Variants in PCDHA3 observed in about 807,000 individuals in gnomAD.
PCDHA3 encodes the protein protocadherin alpha 3.
In PCDHA3, 41 loss-of-function variants were observed where a neutral mutation model predicts 62.2. The ratio of observed to expected loss-of-function variants is 0.66; its 90% CI spans 0.51 to 0.86. The LOEUF (loss-of-function observed/expected upper bound fraction) is 0.86. Among genes scored for constraint, PCDHA3 ranks in the 40% least tolerant of loss-of-function variants. The pLI is 0.00. For missense variants in PCDHA3, 1,304 were observed against 1,241.2 expected, an observed-to-expected ratio of 1.05 and a Z score of -0.76; for synonymous variants, 640 against 555.4, an observed-to-expected ratio of 1.15 and a Z score of -2.14.
chr5:140,835,504 T>A (rs2150237021), intron 1 of PCDHA3: 1 of 1,613,936 alleles, frequency 6.2e-7, no homozygotes, highest in African/African-American at 1.3e-5. Flanking sequence ...TTGATTAGCG[T>A]GTTTGACCGA....
At chr5:140,968,166 C>G (rs782037307) in intron 1 of PCDHA3, 1 of 1,614,004 alleles carries the variant, frequency 6.2e-7, no homozygotes, top group Non-Finnish European at 8.5e-7. Flanking sequence ...GACAATCCAC[C>G]AAGCTTCCTG....
chr5:140,890,344 A>G (rs1482265903), intron 1 of PCDHA3, among the ~76,000 whole-genome samples: 1 of 152,196 alleles, frequency 6.6e-6, no homozygotes, highest in Admixed American at 6.5e-5. Context: ...GGGATGGTTT[A>G]CTATATAGCA....
At chr5:140,867,714 T>C (rs1345564202) in intron 1 of PCDHA3, 1 of 152,070 alleles carries the variant, frequency 6.6e-6, no homozygotes, top group Non-Finnish European at 1.5e-5. Flanking sequence ...CCTAAGGGTA[T>C]ATGAAAAGAC....
chr5:140,898,072 G>T (rs1412097602), intron 1 of PCDHA3, among the ~76,000 whole-genome samples: 1 of 152,012 alleles, frequency 6.6e-6, no homozygotes, highest in Non-Finnish European at 1.5e-5. Flanking sequence ...TGAGTTCATT[G>T]TAGATTCTGG....
chr5:140,828,071 A>G (rs2150150586), intron 1 of PCDHA3: 1 of 1,566,150 alleles, frequency 6.4e-7, no homozygotes, highest in Non-Finnish European at 8.6e-7. Flanking sequence ...TCTAATGGAA[A>G]TAAAACCAGA....
At chr5:140,823,752 A>G (rs1767861225) in intron 1 of PCDHA3, 4 of 1,613,706 alleles carry the variant, frequency 2.5e-6, no homozygotes. Context: ...CCCCGCTGAC[A>G]GCCACAGCCA....
chr5:140,921,267 A>G (rs1371688460), intron 1 of PCDHA3, among the ~76,000 whole-genome samples: 2 of 152,168 alleles, frequency 1.3e-5, no homozygotes, highest in Non-Finnish European at 2.9e-5. Flanking sequence ...AGACTTTTAT[A>G]CTTACTTGAA....
In PCDHA3 at chr5:140,876,944, C is replaced by T. The variant is rs550148099; in HGVS notation, c.2394+73353C>T. On this transcript the variant is annotated intron_variant, in intron 1 of 3. Transcript: ENST00000522353. ...GACGCGCAGAAGAACGCGCTGGTGT[C>T]CTACTCGCTGGTGGAGCGGCGGGTG... is the stretch of plus-strand genomic sequence containing the variant. The T allele has an allele frequency of 9.9e-6, 16 of 1,613,620 alleles. No individual in the cohort carries two copies. In the South Asian group the frequency reaches 1.5e-4, roughly 16 times the overall value.
intron 1 of PCDHA3, chr5:140,870,919 CT>C (rs1562653796): frequency 5.6e-6 from 9 of 1,613,952 alleles, no homozygotes; most frequent in Non-Finnish European, 7.6e-6. Flanking sequence ...CAACGCGTGG[CT>C]TTCATATGAA....
At chr5:140,813,502 TA>T (rs1321309612) in intron 1 of PCDHA3, 1 of 152,182 alleles carries the variant, frequency 6.6e-6, no homozygotes, top group African/African-American at 2.4e-5. Flanking sequence ...AAAGGTACAG[TA>T]AAAACATTGT....
rs140993239 is a variant in PCDHA3 at position 140,803,291 on chromosome 5, G to A, written c.2094G>A (p.Val698=). The change falls in exon 1 of 4, where the codon GTG becomes GTA. Residue 698 remains valine (V), a synonymous_variant. Transcript: ENST00000522353. The stretch of plus-strand genomic sequence containing the variant: ...AAGCTGCACTGGTGGATGTCAACGT[G>A]TACTTGATCGTCGCCATCTGCGCGG... ...GPEAALVDVN[V]YLIVAICAVS... 2.4e-5 allele frequency: 38 copies of A among 1,614,108 alleles called. No homozygotes were observed. The highest frequency in any genetic ancestry group is 1.3e-4 in the African/African-American group (10 of 75,070).
rs1412430465 is a variant in PCDHA3 at position 141,010,516 on chromosome 5, A to C, written c.*579A>C. On this transcript the variant is annotated 3_prime_UTR_variant, in exon 4 of 4. Transcript: ENST00000522353. ...CCAGACTTTCTAAATCTTACAACTC[A>C]AGAGGTGGCAGCCACCCTCTAGGAG... 4.2e-6 allele frequency: 2 copies of C among 477,698 alleles called. No individual in the cohort carries two copies. The highest frequency in any genetic ancestry group is 7.8e-5 in the Admixed American group (2 of 25,754). The allele number at this position is 477,698 out of a possible 1,614,324, so 29.6% of individuals were successfully genotyped here.
At chr5:140,927,297 G>C in intron 1 of PCDHA3, 1 of 1,614,150 alleles carries the variant, frequency 6.2e-7, no homozygotes, top group Non-Finnish European at 8.5e-7. Context: ...ACATCCCCGA[G>C]TTCCTGACGC....
rs2150124872 is a variant in PCDHA3 at position 140,823,348 on chromosome 5, G to A, written c.2394+19757G>A. The A allele has an allele frequency of 1.9e-5, 31 of 1,612,340 alleles. No homozygotes were observed. In the Admixed American group the frequency reaches 4.8e-4, roughly 25 times the overall value. On this transcript the variant is annotated intron_variant, in intron 1 of 3. Transcript: ENST00000522353. ...GTACGCGCTGCAGCCGCTGGACCAC[G>A]AGGAAGTGGAGCTGCTGCAGTTCCA...
chr5:140,851,517 A>C (rs1290684198), intron 1 of PCDHA3: 5 of 904,746 alleles, frequency 5.5e-6, no homozygotes, highest in Non-Finnish European at 4.0e-6. Flanking sequence ...AATATGTTTT[A>C]AAATGCCTGA....
chr5:140,813,422 G>GTACTGAA (rs1317983583), intron 1 of PCDHA3: 2 of 152,166 alleles, frequency 1.3e-5, no homozygotes, highest in African/African-American at 4.8e-5. Flanking sequence ...TATGTTAACT[G>GTACTGAA]TACTGAATAC....
At chr5:140,955,590 C>CTT (rs1554221986) in intron 1 of PCDHA3, among the ~76,000 whole-genome samples, 2 of 152,132 alleles carry the variant, frequency 1.3e-5, no homozygotes, top group East Asian at 3.9e-4. Context: ...AAACCTCTTT[C>CTT]TTTTATAAAT....
At chr5:140,818,183 G>A (rs2150100367) in intron 1 of PCDHA3, among the ~76,000 whole-genome samples, 54 of 152,080 alleles carry the variant, frequency 3.6e-4, no homozygotes, top group Non-Finnish European at 6.6e-4. Context: ...ATATTCTTCT[G>A]TGACTATAAG....
At chr5:140,820,450 C>G (rs2150106988) in intron 1 of PCDHA3, among the ~76,000 whole-genome samples, 4 of 151,918 alleles carry the variant, frequency 2.6e-5, no homozygotes, top group Non-Finnish European at 5.9e-5. Flanking sequence ...CTCTTGGTCC[C>G]TCTTGTCTTC....
Sources: allele counts gnomAD v4.1 joint callset (sites outside exome capture counted in the v4.1 genomes callset), GRCh38; gene constraint gnomAD v4.1.1; transcripts MANE v1.5; gene names NCBI Gene and HGNC (gene_info 2026-07-23, HGNC 2026-07-21).